FSIP1: variants seen among roughly 807,000 people sequenced by gnomAD.
The protein encoded by FSIP1 is fibrous sheath interacting protein 1.
A neutral mutation model predicts 60.9 loss-of-function variants in FSIP1; 65 were observed. The observed-to-expected ratio is 1.07, with a 90% CI of 0.87 to 1.31. The LOEUF is 1.31. FSIP1 is among the 40% of genes most tolerant of loss of function. FSIP1 has a pLI of 0.00. For missense variants in FSIP1, 675 were observed against 665.5 expected (o/e 1.01, Z -0.16); for synonymous variants, 209 against 221.2 (o/e 0.94, Z 0.49).
At chr15:39,673,184 A>G (rs1022503861) in intron 10 of FSIP1, among the ~76,000 whole-genome samples, 3 of 152,242 alleles carry the variant, frequency 2.0e-5, no homozygotes, top group Admixed American at 6.5e-5. Context: ...TGAAGAACAA[A>G]TACGGACATT....
intron 11 of FSIP1, among the ~76,000 whole-genome samples, chr15:39,608,042 A>G (rs998052438): frequency 1.3e-5 from 2 of 152,258 alleles, no homozygotes; most frequent in Admixed American, 6.5e-5. Context: ...TTTTAGAATA[A>G]AATTGATCAG....
intron 9 of FSIP1, among the ~76,000 whole-genome samples, chr15:39,716,173 C>T (rs1262560130): frequency 6.6e-6 from 1 of 152,054 alleles, no homozygotes; most frequent in African/African-American, 2.4e-5. Flanking sequence ...CTTTGCAATG[C>T]TAAGCAGTCA....
chr15:39,704,816 C>T (rs1208982492), intron 10 of FSIP1, among the ~76,000 whole-genome samples: 2 of 152,122 alleles, frequency 1.3e-5, no homozygotes, highest in African/African-American at 2.4e-5. Context: ...AAGAGCATGT[C>T]GAAATAAGAA....
intron 10 of FSIP1, among the ~76,000 whole-genome samples, chr15:39,647,435 T>C (rs1175192265): frequency 6.6e-6 from 1 of 152,178 alleles, no homozygotes; most frequent in African/African-American, 2.4e-5. Flanking sequence ...ACAAAAGCCC[T>C]GTGGATGCAT....
intron 11 of FSIP1, among the ~76,000 whole-genome samples, chr15:39,608,064 AATAATT>A (rs1890891402): frequency 6.6e-6 from 1 of 152,232 alleles, no homozygotes; most frequent in Admixed American, 6.5e-5. Flanking sequence ...AAGCTATTTT[AATAATT>A]ATAAATAATG....
At chr15:39,622,744 G>C (rs1350132771) in intron 10 of FSIP1, among the ~76,000 whole-genome samples, 3 of 152,170 alleles carry the variant, frequency 2.0e-5, no homozygotes, top group African/African-American at 7.2e-5. Context: ...TTTGAATCCA[G>C]GTAGTCTGGG....
At chr15:39,755,632 AAG>A (rs1897278214) in intron 5 of FSIP1, among the ~76,000 whole-genome samples, 1 of 152,164 alleles carries the variant, frequency 6.6e-6, no homozygotes, top group Non-Finnish European at 1.5e-5. Flanking sequence ...TCAGAGTAGA[AAG>A]AGACTACCAG....
At chr15:39,597,777 T>C (rs1223236514), downstream of FSIP1, 6 of 152,184 alleles carry the variant, frequency 3.9e-5, no homozygotes, top group South Asian at 8.3e-4. Flanking sequence ...TTAGATGTCA[T>C]TGAATCCTTT....
chr15:39,724,914 A>T (rs1473463440), intron 9 of FSIP1, among the ~76,000 whole-genome samples: 2 of 152,176 alleles, frequency 1.3e-5, no homozygotes, highest in South Asian at 2.1e-4. Flanking sequence ...AGTAACATAA[A>T]TAAACTAGCC....
At chr15:39,740,708 G>A (rs1423799013) in intron 6 of FSIP1, among the ~76,000 whole-genome samples, 1 of 152,168 alleles carries the variant, frequency 6.6e-6, no homozygotes. Flanking sequence ...AAAGGAGCTA[G>A]TCAACTGGTG....
intron 10 of FSIP1, among the ~76,000 whole-genome samples, chr15:39,626,181 T>C (rs907972870): frequency 6.6e-6 from 1 of 152,192 alleles, no homozygotes; most frequent in African/African-American, 2.4e-5. Context: ...AGAACTTATG[T>C]ATGCCCACAG....
intron 10 of FSIP1, among the ~76,000 whole-genome samples, chr15:39,695,625 C>G (rs1355287831): frequency 3.9e-5 from 6 of 152,224 alleles, no homozygotes; most frequent in Non-Finnish European, 8.8e-5. Context: ...TATGCAAATT[C>G]CTGCTTTTTG....
chr15:39,696,419 A>G (rs1026941527), intron 10 of FSIP1, among the ~76,000 whole-genome samples: 2 of 152,220 alleles, frequency 1.3e-5, no homozygotes, highest in African/African-American at 4.8e-5. Flanking sequence ...CCAAAAAAAT[A>G]TAAATTAAAG....
At chr15:39,617,347 C>T (rs1469353301) in intron 11 of FSIP1, among the ~76,000 whole-genome samples, 2 of 152,142 alleles carry the variant, frequency 1.3e-5, no homozygotes, top group East Asian at 1.9e-4. Context: ...CAATGAGTTA[C>T]AAGTTTTACA....
chr15:39,623,611 C>T (rs532955690), intron 10 of FSIP1, among the ~76,000 whole-genome samples: 1 of 152,124 alleles, frequency 6.6e-6, no homozygotes, highest in Non-Finnish European at 1.5e-5. Flanking sequence ...GCAACACCTC[C>T]GTAGTAGTCT....
At chr15:39,728,289 A>T (rs1896275353) in intron 8 of FSIP1, among the ~76,000 whole-genome samples, 1 of 152,174 alleles carries the variant, frequency 6.6e-6, no homozygotes, top group African/African-American at 2.4e-5. Flanking sequence ...AAAACTATTT[A>T]AAAAATTCAT....
At chr15:39,744,081 G>A (rs144515694) in intron 5 of FSIP1, among the ~76,000 whole-genome samples, 21 of 152,204 alleles carry the variant, frequency 1.4e-4, no homozygotes, top group East Asian at 1.9e-4. Flanking sequence ...ATGTATAATC[G>A]TGCATGTATG....
intron 5 of FSIP1, among the ~76,000 whole-genome samples, chr15:39,754,544 A>T (rs996193239): frequency 1.4e-4 from 21 of 147,818 alleles, no homozygotes; most frequent in African/African-American, 4.7e-4. Context: ...TAATGGGGAT[A>T]AAAAAAAAAC....
At position 39,618,199 on chromosome 15, in the gene FSIP1, A is replaced by G. The variant is rs753524751; in HGVS notation, c.1235T>C (p.Leu412Pro). 2.5e-6 allele frequency: 4 copies of G among 1,613,136 alleles called. No homozygotes were observed. The highest frequency in any genetic ancestry group is 1.7e-5 in the Admixed American group (1 of 59,998). Residue 412 changes from leucine (L) to proline (P), a missense_variant, in exon 11 of 12, where the codon CTG (leucine) becomes CCG (proline). Transcript: ENST00000350221. ...TTTTTGTTTAAGTATGCATTCATCC[A>G]GAAGACACTTTAACTGTTCTTCAGA... ...CLSEEQLKCLLDECILKQKSI... is the reference protein window; with the variant it reads ...CLSEEQLKCLPDECILKQKSI...
Sources: allele counts gnomAD v4.1 joint callset (sites outside exome capture counted in the v4.1 genomes callset), GRCh38; gene constraint gnomAD v4.1.1; transcripts MANE v1.5; gene names NCBI Gene and HGNC (gene_info 2026-07-23, HGNC 2026-07-21).